CNTNAP2: variants seen among roughly 807,000 people sequenced by gnomAD.
CNTNAP2 encodes contactin associated protein 2, also known as contactin-associated protein-like 2.
Under a neutral mutation model 155.2 loss-of-function variants are expected in CNTNAP2, and 98 were observed. The ratio of observed to expected loss-of-function variants is 0.63; its 90% CI spans 0.54 to 0.75. The LOEUF (loss-of-function observed/expected upper bound fraction) is 0.75, where lower values mean the gene tolerates loss of function less well. CNTNAP2 is among the 30% of genes least tolerant of loss of function. The pLI is 0.00. For missense variants in CNTNAP2, 1,727 were observed against 1,688.1 expected (o/e 1.02, Z -0.40); for synonymous variants, 651 against 631.2 (o/e 1.03, Z -0.47).
chr7:148,152,810 G>A (rs1401449787), intron 17 of CNTNAP2, among the ~76,000 whole-genome samples: 5 of 152,014 alleles, frequency 3.3e-5, no homozygotes, highest in Non-Finnish European at 7.4e-5. Context: ...CACGAAGTCA[G>A]GAGATCGAGA....
intron 11 of CNTNAP2, among the ~76,000 whole-genome samples, chr7:147,492,848 C>T (rs1193556545): frequency 1.3e-5 from 2 of 152,102 alleles, no homozygotes; most frequent in Non-Finnish European, 2.9e-5. Context: ...CACTTTCCTC[C>T]CCATCTCTCC....
chr7:146,879,921 G>A (rs1370129342), intron 3 of CNTNAP2, among the ~76,000 whole-genome samples: 1 of 151,992 alleles, frequency 6.6e-6, no homozygotes, highest in African/African-American at 2.4e-5. Context: ...AAGGCAAAAG[G>A]CACATCTTAC....
intron 4 of CNTNAP2, among the ~76,000 whole-genome samples, chr7:147,059,637 T>G (rs758800469): frequency 2.0e-5 from 3 of 152,116 alleles, no homozygotes; most frequent in Non-Finnish European, 4.4e-5. Flanking sequence ...CTATACCTAG[T>G]AGGAAATATT....
intron 8 of CNTNAP2, among the ~76,000 whole-genome samples, chr7:147,294,940 G>A (rs562695395): frequency 6.6e-6 from 1 of 152,190 alleles, no homozygotes; most frequent in East Asian, 1.9e-4. Flanking sequence ...GATTGCAGGT[G>A]TGAGCCACAG....
At chr7:147,744,409 G>A (rs569678921) in intron 13 of CNTNAP2, among the ~76,000 whole-genome samples, 1 of 152,260 alleles carries the variant, frequency 6.6e-6, no homozygotes, top group African/African-American at 2.4e-5. Flanking sequence ...TAAACTTACA[G>A]AAATAGTACC....
intron 2 of CNTNAP2, among the ~76,000 whole-genome samples, chr7:146,836,154 C>T (rs1449065506): frequency 6.6e-6 from 1 of 152,086 alleles, no homozygotes; most frequent in Non-Finnish European, 1.5e-5. Flanking sequence ...CCCATATAAC[C>T]TATGCAAACA....
chr7:147,051,298 A>T (rs1799469853), intron 4 of CNTNAP2, among the ~76,000 whole-genome samples: 1 of 151,568 alleles, frequency 6.6e-6, no homozygotes, highest in Non-Finnish European at 1.5e-5. Flanking sequence ...CTTAAATTAG[A>T]TGTTTAATTT....
intron 1 of CNTNAP2, among the ~76,000 whole-genome samples, chr7:146,481,541 A>T (rs1053498753): frequency 7.9e-5 from 12 of 152,234 alleles, no homozygotes; most frequent in African/African-American, 2.9e-4. Flanking sequence ...ATAATTGTTC[A>T]GTAAATGTAT....
At chr7:147,482,390 T>C (rs1344063030) in intron 10 of CNTNAP2, among the ~76,000 whole-genome samples, 2 of 152,084 alleles carry the variant, frequency 1.3e-5, no homozygotes, top group East Asian at 1.9e-4. Context: ...AGAATTAGAA[T>C]ACCTATAATC....
intron 3 of CNTNAP2, among the ~76,000 whole-genome samples, chr7:147,037,758 A>G (rs1478200263): frequency 6.6e-6 from 1 of 152,200 alleles, no homozygotes; most frequent in African/African-American, 2.4e-5. Context: ...AATACAGACT[A>G]TACTAGAACC....
At chr7:148,016,297 A>T (rs367840239) in intron 15 of CNTNAP2, among the ~76,000 whole-genome samples, 2 of 152,292 alleles carry the variant, frequency 1.3e-5, no homozygotes, top group South Asian at 2.1e-4. Context: ...ACCTCTGTCC[A>T]CCTATGCCAG....
chr7:146,166,063 A>G (rs1267982901), intron 1 of CNTNAP2, among the ~76,000 whole-genome samples: 1 of 152,112 alleles, frequency 6.6e-6, no homozygotes, highest in East Asian at 1.9e-4. Context: ...CTTGGCTCAC[A>G]TTCCCCCACC....
intron 8 of CNTNAP2, among the ~76,000 whole-genome samples, chr7:147,183,123 A>G (rs968080944): frequency 5.9e-5 from 9 of 152,088 alleles, no homozygotes; most frequent in South Asian, 2.1e-4. Flanking sequence ...ATAAGGTTCA[A>G]ACTAACAGTG....
intron 1 of CNTNAP2, among the ~76,000 whole-genome samples, chr7:146,593,072 C>T (rs2129149859): frequency 6.6e-6 from 1 of 152,144 alleles, no homozygotes; most frequent in South Asian, 2.1e-4. Flanking sequence ...ACCAAGACTG[C>T]TCCCTTCCAC....
chr7:147,901,755 T>C (rs1799872342), intron 13 of CNTNAP2, among the ~76,000 whole-genome samples: 1 of 152,200 alleles, frequency 6.6e-6, no homozygotes, highest in Non-Finnish European at 1.5e-5. Flanking sequence ...GTGTTCATAA[T>C]ACTGATAAAA....
chr7:148,044,164 T>C (rs1173705753), intron 15 of CNTNAP2, among the ~76,000 whole-genome samples: 1 of 150,350 alleles, frequency 6.7e-6, no homozygotes, highest in Non-Finnish European at 1.5e-5. Flanking sequence ...ATATCTAACT[T>C]GGCCAACTAA....
chr7:146,472,031 C>A (rs981149910), intron 1 of CNTNAP2, among the ~76,000 whole-genome samples: 1 of 152,156 alleles, frequency 6.6e-6, no homozygotes, highest in Non-Finnish European at 1.5e-5. Flanking sequence ...CTCTCATGGG[C>A]ATCCTGGTTT....
intron 8 of CNTNAP2, among the ~76,000 whole-genome samples, chr7:147,228,051 C>T (rs1457069500): frequency 2.0e-5 from 3 of 152,084 alleles, no homozygotes; most frequent in Admixed American, 2.0e-4. Context: ...CAAATAAAAT[C>T]GTGTCAAGGA....
chr7:147,005,300 T>C (rs559809469), intron 3 of CNTNAP2, among the ~76,000 whole-genome samples: 1 of 152,170 alleles, frequency 6.6e-6, no homozygotes, highest in East Asian at 1.9e-4. Context: ...CTCACAGATA[T>C]TCCTAGGAGC....
Sources: gnomAD v4.1 joint callset for allele counts (sites outside exome capture counted in the v4.1 genomes callset) on GRCh38, gnomAD v4.1.1 for gene constraint, MANE v1.5 for transcripts, NCBI Gene and HGNC (gene_info 2026-07-23, HGNC 2026-07-21) for gene names.